PLA2G4A: variants seen among roughly 807,000 people sequenced by gnomAD.
PLA2G4A encodes phospholipase A2 group IVA, also known as cytosolic phospholipase A2.
In PLA2G4A, 40 loss-of-function variants were observed where a neutral mutation model predicts 81.9. That is an observed-to-expected ratio of 0.49 (90% CI 0.38 to 0.64). The LOEUF is 0.64. Ranked by LOEUF, PLA2G4A falls within the 30% of genes least tolerant of loss-of-function variation. The pLI, the probability that PLA2G4A is intolerant of heterozygous loss-of-function variation, is 0.00. For missense variants in PLA2G4A, 715 were observed against 905.1 expected (o/e 0.79, Z 2.69); for synonymous variants, 302 against 296.9 (o/e 1.02, Z -0.18).
intron 7 of PLA2G4A, among the ~76,000 whole-genome samples, chr1:186,923,613 T>C (rs1278216742): frequency 3.9e-5 from 6 of 152,228 alleles, no homozygotes; most frequent in Admixed American, 3.9e-4. Context: ...AGGTGTGAAC[T>C]GAGGGATGCA....
intron 1 of PLA2G4A, among the ~76,000 whole-genome samples, chr1:186,841,058 A>G (rs1258584832): frequency 2.6e-5 from 4 of 152,254 alleles, no homozygotes; most frequent in Non-Finnish European, 5.9e-5. Context: ...TCTTTTAAGT[A>G]GAAGTCAGAA....
intron 7 of PLA2G4A, among the ~76,000 whole-genome samples, chr1:186,922,959 G>A (rs966598546): frequency 6.6e-6 from 1 of 152,212 alleles, no homozygotes; most frequent in African/African-American, 2.4e-5. Flanking sequence ...TACAATGTCT[G>A]TAATCTATAG....
chr1:186,986,188 G>A (rs998934003), intron 17 of PLA2G4A, among the ~76,000 whole-genome samples: 3 of 152,110 alleles, frequency 2.0e-5, no homozygotes, highest in Middle Eastern at 3.2e-3. Context: ...CACCAGCTGA[G>A]GTCCAATTAC....
chr1:186,880,716 A>G (rs1653699338), intron 3 of PLA2G4A, among the ~76,000 whole-genome samples: 1 of 152,054 alleles, frequency 6.6e-6, no homozygotes, highest in Admixed American at 6.6e-5. Flanking sequence ...ATAAATTAAT[A>G]TGTTTTATCA....
chr1:186,937,178 G>C (rs927708046), intron 8 of PLA2G4A, among the ~76,000 whole-genome samples: 1 of 151,656 alleles, frequency 6.6e-6, no homozygotes, highest in Admixed American at 6.6e-5. Context: ...CAATGCCAAT[G>C]GTTGAAGTAT....
chr1:186,857,175 A>ATTAT (rs369357874), intron 2 of PLA2G4A, among the ~76,000 whole-genome samples: 17 of 19,728 alleles, frequency 8.6e-4, no homozygotes, highest in African/African-American at 3.4e-3. Flanking sequence ...ATAATTATAT[A>ATTAT]ATATGTCTGC....
intron 5 of PLA2G4A, among the ~76,000 whole-genome samples, chr1:186,900,991 G>C (rs1654517421): frequency 6.6e-6 from 1 of 152,054 alleles, no homozygotes; most frequent in Non-Finnish European, 1.5e-5. Flanking sequence ...TGATAAAGCT[G>C]AAAAAAAGAA....
intron 2 of PLA2G4A, among the ~76,000 whole-genome samples, chr1:186,869,118 A>G (rs1481616493): frequency 6.6e-6 from 1 of 151,882 alleles, no homozygotes; most frequent in East Asian, 1.9e-4. Context: ...GTGGTAACTT[A>G]GATTATTGAT....
intron 10 of PLA2G4A, among the ~76,000 whole-genome samples, chr1:186,940,709 T>C (rs931519773): frequency 1.3e-5 from 2 of 152,180 alleles, no homozygotes; most frequent in Non-Finnish European, 2.9e-5. Context: ...CTGTACATGT[T>C]TAGTACAGAT....
chr1:186,884,566 G>A (rs924318091), intron 3 of PLA2G4A, among the ~76,000 whole-genome samples: 5 of 152,016 alleles, frequency 3.3e-5, no homozygotes, highest in African/African-American at 4.8e-5. Flanking sequence ...GGACTTGAGG[G>A]ACTAAGATCT....
intron 3 of PLA2G4A, among the ~76,000 whole-genome samples, chr1:186,875,056 AT>A (rs1653416033): frequency 6.6e-6 from 1 of 152,062 alleles, no homozygotes; most frequent in Non-Finnish European, 1.5e-5. Flanking sequence ...GCAGATTTTG[AT>A]TCTGTAGGTT....
At chr1:186,908,968 C>CTTTTTTTTTTTTTTTTTT (rs1201226836) in intron 6 of PLA2G4A, among the ~76,000 whole-genome samples, 1 of 75,090 alleles carries the variant, frequency 1.3e-5, no homozygotes, top group Non-Finnish European at 2.4e-5. Context: ...CTTTTCTTTT[C>CTTTTTTTTTTTTTTTTTT]TTTTTTTTTT....
At chr1:186,836,299 A>C (rs1366954161) in intron 1 of PLA2G4A, among the ~76,000 whole-genome samples, 1 of 150,958 alleles carries the variant, frequency 6.6e-6, no homozygotes, top group African/African-American at 2.4e-5. Flanking sequence ...ATATACCTTA[A>C]TAATAATATT....
intron 3 of PLA2G4A, among the ~76,000 whole-genome samples, chr1:186,873,317 T>C (rs1446706534): frequency 6.6e-6 from 1 of 152,062 alleles, no homozygotes; most frequent in Non-Finnish European, 1.5e-5. Flanking sequence ...ATTTGGGGTG[T>C]TTGTATATAG....
At chr1:186,944,142 T>A (rs537831388) in intron 10 of PLA2G4A, among the ~76,000 whole-genome samples, 1 of 152,114 alleles carries the variant, frequency 6.6e-6, no homozygotes, top group East Asian at 1.9e-4. Flanking sequence ...GGAAGAAGGG[T>A]GATGAGTTCT....
chr1:186,940,588 T>C (rs1347478674), intron 10 of PLA2G4A, among the ~76,000 whole-genome samples: 1 of 152,196 alleles, frequency 6.6e-6, no homozygotes, highest in Non-Finnish European at 1.5e-5. Context: ...CCTACACACA[T>C]TCTTATGTAT....
intron 2 of PLA2G4A, among the ~76,000 whole-genome samples, chr1:186,864,645 GATTATT>G (rs75963523): frequency 1.4e-3 from 213 of 147,156 alleles, no homozygotes; most frequent in Middle Eastern, 7.1e-3. Flanking sequence ...TTAAAAATCA[GATTATT>G]ATTATTATTA....
intron 17 of PLA2G4A, 33 bp downstream of exon 17, chr1:186,979,505 A>G (rs1372211143): frequency 7.3e-7 from 1 of 1,367,280 alleles, no homozygotes; most frequent in Non-Finnish European, 1.0e-6. Context: ...GACTATGTCA[A>G]ATGACTTCCA....
chr1:186,942,329 G>A lies in PLA2G4A; in HGVS notation c.1033+2235G>A, dbSNP rs1428645982. On this transcript the variant is annotated intron_variant, in intron 10 of 17. Coordinates refer to ENST00000367466, the MANE Select transcript of PLA2G4A (RefSeq NM_024420.3). ...ACACTTGCATGCTAGTCAGATTTTTGCATGGCCAAATAAATCATCCTTCAC... is the reference window on the plus strand; with the variant it reads ...ACACTTGCATGCTAGTCAGATTTTTACATGGCCAAATAAATCATCCTTCAC... Among the ~76,000 whole-genome samples, 7 of 152,044 alleles carry A rather than the reference G, an allele frequency of 4.6e-5. No individual in the cohort carries two copies. The East Asian group carries it at 9.6e-4, about 21-fold the overall frequency.
Sources: gnomAD v4.1 joint callset for allele counts (sites outside exome capture counted in the v4.1 genomes callset) on GRCh38, gnomAD v4.1.1 for gene constraint, MANE v1.5 for transcripts, NCBI Gene and HGNC (gene_info 2026-07-23, HGNC 2026-07-21) for gene names.